Variants in CNTNAP2 observed in about 807,000 individuals in gnomAD.
The protein encoded by CNTNAP2 is contactin associated protein 2.
Under a neutral mutation model 155.2 loss-of-function variants are expected in CNTNAP2, and 98 were observed. The ratio of observed to expected loss-of-function variants is 0.63; its 90% CI spans 0.54 to 0.75. The LOEUF (loss-of-function observed/expected upper bound fraction) is 0.75. Among genes scored for constraint, CNTNAP2 ranks in the 30% least tolerant of loss-of-function variants. The pLI, the probability that CNTNAP2 is intolerant of heterozygous loss-of-function variation, is 0.00. For synonymous variants in CNTNAP2, 651 were observed against 631.2 expected (o/e 1.03, Z -0.47); for missense variants, 1,727 against 1,688.1 (o/e 1.02, Z -0.40).
chr7:146,795,832 G>T (rs1375867765), intron 2 of CNTNAP2, among the ~76,000 whole-genome samples: 1 of 152,184 alleles, frequency 6.6e-6, no homozygotes, highest in East Asian at 1.9e-4. Context: ...TTTATGGGAA[G>T]ATGTGTATTA....
intron 1 of CNTNAP2, among the ~76,000 whole-genome samples, chr7:146,389,080 A>T (rs1362411881): frequency 2.0e-5 from 3 of 152,202 alleles, no homozygotes; most frequent in African/African-American, 7.2e-5. Flanking sequence ...TTCTAAGTTT[A>T]CTCATCCTAT....
intron 11 of CNTNAP2, among the ~76,000 whole-genome samples, chr7:147,544,499 A>T (rs1249619783): frequency 1.3e-5 from 2 of 152,288 alleles, no homozygotes; most frequent in Admixed American, 6.5e-5. Flanking sequence ...GAAAATTGTT[A>T]TAGGCTTTCA....
intron 1 of CNTNAP2, among the ~76,000 whole-genome samples, chr7:146,335,293 C>A (rs1016238499): frequency 8.5e-5 from 13 of 152,252 alleles, no homozygotes; most frequent in Admixed American, 7.8e-4. Context: ...TCTCCATATG[C>A]ACATTGAAAA....
rs572272238 is a variant in CNTNAP2 at position 148,412,367 on chromosome 7, C to T, written c.3796+2896C>T. ...AGACAGGTTCATTAGAACATCTTAA[C>T]GATATTTAGTATTTCTATCTTTACA... On this transcript the variant is annotated intron_variant, in intron 23 of 23. Transcript: ENST00000361727. Among the ~76,000 whole-genome samples, 28 of 152,242 alleles carry T rather than the reference C, an allele frequency of 1.8e-4. 1 individual carries two copies. The highest frequency in any genetic ancestry group is 4.1e-4 in the African/African-American group (17 of 41,474).
chr7:148,042,766 C>A (rs1042917895), intron 15 of CNTNAP2, among the ~76,000 whole-genome samples: 2 of 152,292 alleles, frequency 1.3e-5, no homozygotes, highest in East Asian at 1.9e-4. Context: ...CCTCAATATG[C>A]CTGCATAATG....
At chr7:146,144,139 ATATT>A (rs531251321) in intron 1 of CNTNAP2, among the ~76,000 whole-genome samples, 5 of 151,526 alleles carry the variant, frequency 3.3e-5, no homozygotes, top group South Asian at 4.2e-4. Context: ...ACTTCCTAAA[ATATT>A]TATTTATTTA....
In CNTNAP2 at chr7:147,761,037, TATA is replaced by T. The variant is rs550032250; in HGVS notation, c.2098+121732_2098+121734del. Reference sequence around the variant, plus strand: ...TGGATTCCGGCTGCTGGCATTATAGTATATGGCTTAGATTAATTTTCATGAGAT... The same window carrying T: ...TGGATTCCGGCTGCTGGCATTATAGTTGGCTTAGATTAATTTTCATGAGAT... On this transcript the variant is annotated intron_variant, in intron 13 of 23. Coordinates refer to ENST00000361727, the MANE Select transcript of CNTNAP2 (RefSeq NM_014141.6). Among the ~76,000 whole-genome samples, 319 of 152,320 alleles carry T rather than the reference TATA, an allele frequency of 2.1e-3. 2 individuals carry two copies. Among genetic ancestry groups the T allele is most frequent in the African/African-American group, 7.3e-3 (302 of 41,570 alleles).
At chr7:146,288,156 G>A (rs921928081) in intron 1 of CNTNAP2, among the ~76,000 whole-genome samples, 1 of 151,760 alleles carries the variant, frequency 6.6e-6, no homozygotes, top group Non-Finnish European at 1.5e-5. Flanking sequence ...AAATTAGCCA[G>A]TCCTGGTGGT....
Position 146,949,492 on chromosome 7 carries a change from T to C in CNTNAP2, c.403-94415T>C, listed in dbSNP as rs139601793. Among the ~76,000 whole-genome samples the C allele has an allele frequency of 5.1e-3, 772 of 152,300 alleles. 27 individuals carry two copies. The highest frequency in any genetic ancestry group is 0.048 in the Admixed American group (729 of 15,284). ...GACTCTGATCTGAAAACTGTCCCTC[T>C]TCTGCAGGTCTTTTTTCCATCACCA... On this transcript the variant is annotated intron_variant, in intron 3 of 23. Transcript: ENST00000361727.
At position 148,154,090 on chromosome 7, in the gene CNTNAP2, C is replaced by T. The variant is rs545499533; in HGVS notation, c.2773+6381C>T. ...ACTTGGCTCTGGCCTCTTCTGATAT[C>T]TCTCTAGAGGTTAAAGGGAACCATC... On this transcript the variant is annotated intron_variant, in intron 17 of 23. Coordinates refer to ENST00000361727, the MANE Select transcript of CNTNAP2 (RefSeq NM_014141.6). Among the ~76,000 whole-genome samples the T allele has an allele frequency of 1.1e-4, 17 of 152,328 alleles. No individual in the cohort carries two copies. In the East Asian group the frequency reaches 3.3e-3, roughly 29 times the overall value.
chr7:147,334,728 C>G (rs1298665546), intron 9 of CNTNAP2, among the ~76,000 whole-genome samples: 1 of 152,008 alleles, frequency 6.6e-6, no homozygotes, highest in East Asian at 1.9e-4. Context: ...TACTGTCACC[C>G]CTAGCTGTCT....
At chr7:147,638,201 C>CT (rs1285835905) in intron 12 of CNTNAP2, among the ~76,000 whole-genome samples, 2 of 152,088 alleles carry the variant, frequency 1.3e-5, no homozygotes, top group African/African-American at 4.8e-5. Context: ...CTAATTGCTT[C>CT]TTTTTTTCTA....
At chr7:146,640,502 G>C (rs1246900974) in intron 1 of CNTNAP2, among the ~76,000 whole-genome samples, 1 of 152,218 alleles carries the variant, frequency 6.6e-6, no homozygotes, top group African/African-American at 2.4e-5. Flanking sequence ...GCAATGTGTA[G>C]AGTATGCTCT....
At chr7:146,978,226 CAG>C (rs1797950402) in intron 3 of CNTNAP2, among the ~76,000 whole-genome samples, 1 of 152,078 alleles carries the variant, frequency 6.6e-6, no homozygotes, top group Non-Finnish European at 1.5e-5. Flanking sequence ...AAAATCAAAA[CAG>C]ATCTGTTTTG....
rs116371281 is a variant in CNTNAP2 at position 146,422,275 on chromosome 7, G to A, written c.97+305302G>A. 6.4e-3 allele frequency among the ~76,000 whole-genome samples: 966 copies of A among 149,862 alleles called. 9 individuals are homozygous for A. The highest frequency in any genetic ancestry group is 0.022 in the African/African-American group (915 of 40,858). On this transcript the variant is annotated intron_variant, in intron 1 of 23. Coordinates refer to ENST00000361727, the MANE Select transcript of CNTNAP2 (RefSeq NM_014141.6). ...CATTGCAATAAATATTCTTATACAT[G>A]TATCTTCTTATTCTTATGTAAGAAT...
At chr7:147,184,992 T>C (rs990270407) in intron 8 of CNTNAP2, among the ~76,000 whole-genome samples, 15 of 152,028 alleles carry the variant, frequency 9.9e-5, no homozygotes. Context: ...ATAACAATAA[T>C]ATCTAACACA....
At chr7:147,574,896 G>A (rs1365143017) in intron 12 of CNTNAP2, among the ~76,000 whole-genome samples, 2 of 152,120 alleles carry the variant, frequency 1.3e-5, no homozygotes, top group African/African-American at 2.4e-5. Flanking sequence ...TCTACTATCT[G>A]TCAAACAGCC....
At chr7:146,339,738 C>G (rs1276325071) in intron 1 of CNTNAP2, among the ~76,000 whole-genome samples, 1 of 152,080 alleles carries the variant, frequency 6.6e-6, no homozygotes, top group African/African-American at 2.4e-5. Flanking sequence ...AGTGATATAA[C>G]ATGAAGTCTT....
chr7:146,419,657 T>C (rs946293227), intron 1 of CNTNAP2, among the ~76,000 whole-genome samples: 2 of 152,062 alleles, frequency 1.3e-5, no homozygotes, highest in Non-Finnish European at 2.9e-5. Context: ...GGCAAAGATA[T>C]GAAAAGGTGC....
Sources: gnomAD v4.1 joint callset for allele counts (sites outside exome capture counted in the v4.1 genomes callset) on GRCh38, gnomAD v4.1.1 for gene constraint, MANE v1.5 for transcripts, NCBI Gene and HGNC (gene_info 2026-07-23, HGNC 2026-07-21) for gene names.